PLEKHA7: variants seen among roughly 807,000 people sequenced by gnomAD.
The protein encoded by PLEKHA7 is pleckstrin homology domain-containing family A member 7.
Under a neutral mutation model 170.0 loss-of-function variants are expected in PLEKHA7, and 104 were observed. The observed-to-expected ratio is 0.61, with a 90% CI of 0.52 to 0.72. The LOEUF (loss-of-function observed/expected upper bound fraction) is 0.72. Among genes scored for constraint, PLEKHA7 ranks in the 30% least tolerant of loss-of-function variants. The pLI, the probability that PLEKHA7 is intolerant of heterozygous loss-of-function variation, is 0.00. For missense variants in PLEKHA7, 1,615 were observed against 1,671.7 expected (o/e 0.97, Z 0.59); for synonymous variants, 648 against 660.8 (o/e 0.98, Z 0.30).
chr11:16,932,755 G>A (rs1389839834), intron 3 of PLEKHA7, among the ~76,000 whole-genome samples: 1 of 152,218 alleles, frequency 6.6e-6, no homozygotes, highest in South Asian at 2.1e-4. Context: ...TGTGATATGT[G>A]CAGGTCAGGG....
At chr11:17,007,300 A>G (rs529964172) in intron 3 of PLEKHA7, among the ~76,000 whole-genome samples, 40 of 152,224 alleles carry the variant, frequency 2.6e-4, no homozygotes, top group African/African-American at 8.9e-4. Context: ...ATTTTTCTTT[A>G]TGTAGAATTA....
At chr11:16,852,959 T>G (rs1168879880) in intron 6 of PLEKHA7, among the ~76,000 whole-genome samples, 1 of 152,242 alleles carries the variant, frequency 6.6e-6, no homozygotes, top group Non-Finnish European at 1.5e-5. Flanking sequence ...AATAATGTTT[T>G]AAATTACTGT....
chr11:17,013,942 C>A (rs749639243), intron 3 of PLEKHA7, 47 bp downstream of exon 3: 1 of 1,422,024 alleles, frequency 7.0e-7, no homozygotes, highest in South Asian at 1.3e-5. Flanking sequence ...GGGGAGGGAC[C>A]CCCCCCCCGC....
At chr11:16,984,618 C>G (rs1863622220) in intron 3 of PLEKHA7, among the ~76,000 whole-genome samples, 1 of 152,202 alleles carries the variant, frequency 6.6e-6, no homozygotes, top group African/African-American at 2.4e-5. Context: ...CTCTCACACC[C>G]AGGCCTCCTG....
chr11:16,871,920 A>G (rs1422703359), intron 3 of PLEKHA7, among the ~76,000 whole-genome samples: 1 of 152,016 alleles, frequency 6.6e-6, no homozygotes, highest in African/African-American at 2.4e-5. Context: ...TCCTCTTTTA[A>G]AAACAAAATA....
At chr11:16,855,512 C>T in intron 5 of PLEKHA7, 1 of 376,862 alleles carries the variant, frequency 2.7e-6, no homozygotes, top group Non-Finnish European at 4.8e-6. Context: ...CTTGCTTTAA[C>T]ACACAGCTAC....
At chr11:16,907,195 A>G (rs867057922) in intron 3 of PLEKHA7, among the ~76,000 whole-genome samples, 24 of 66,664 alleles carry the variant, frequency 3.6e-4, no homozygotes, top group African/African-American at 1.4e-3. Flanking sequence ...CAGCCGCCCC[A>G]TCCGGGAGGG....
chr11:16,987,708 C>G (rs1011858641), intron 3 of PLEKHA7, among the ~76,000 whole-genome samples: 3 of 152,188 alleles, frequency 2.0e-5, no homozygotes, highest in African/African-American at 7.2e-5. Flanking sequence ...CATAATGAAG[C>G]CTCTGTCTAG....
At chr11:16,973,885 G>A (rs1239943927) in intron 3 of PLEKHA7, among the ~76,000 whole-genome samples, 2 of 152,096 alleles carry the variant, frequency 1.3e-5, no homozygotes, top group Non-Finnish European at 2.9e-5. Context: ...CTTCCTCCCT[G>A]TGGACCAGCC....
chr11:16,885,286 A>T (rs390302), intron 3 of PLEKHA7, among the ~76,000 whole-genome samples: 116,786 of 151,070 alleles, frequency 0.77, 46,825 homozygotes, highest in Non-Finnish European at 0.9. Flanking sequence ...GCCAAGATCA[A>T]GCCACTGCAC....
chr11:16,799,437 A>C (rs562165953), intron 17 of PLEKHA7, among the ~76,000 whole-genome samples: 26 of 152,348 alleles, frequency 1.7e-4, no homozygotes, highest in African/African-American at 6.3e-4. Flanking sequence ...GGGAAGAGGA[A>C]CTTTTATATC....
intron 3 of PLEKHA7, among the ~76,000 whole-genome samples, chr11:16,907,677 C>CGGGA (rs1857924777): frequency 7.6e-6 from 1 of 131,008 alleles, no homozygotes. Context: ...CCGCCCCGTC[C>CGGGA]GGGAGGTGAG....
chr11:16,826,478 G>A lies in PLEKHA7; in HGVS notation c.985C>T (p.His329Tyr). ...CTCTCGAAGTTGACAATGTCATCATGGCCACGATGAGGACAATCTCTCGTA... is the reference window on the plus strand; with the variant it reads ...CTCTCGAAGTTGACAATGTCATCATAGCCACGATGAGGACAATCTCTCGTA... The part of the protein sequence containing the change: ...GHTRDCPHRG[H>Y]DDIVNFERQE... The change falls in exon 10 of 27, where the codon CAT becomes TAT. Residue 329 changes from histidine to tyrosine, a missense_variant. His to Tyr is a moderately conservative substitution (Grantham distance 83). Transcript: ENST00000531066. 1.9e-6 allele frequency: 3 copies of A among 1,614,236 alleles called. No homozygotes were observed. The highest frequency in any genetic ancestry group is 2.5e-6 in the Non-Finnish European group (3 of 1,180,056).
chr11:16,973,960 CT>C (rs1382397794), intron 3 of PLEKHA7, among the ~76,000 whole-genome samples: 1 of 152,214 alleles, frequency 6.6e-6, no homozygotes, highest in East Asian at 1.9e-4. Context: ...TGCATGACCC[CT>C]CTCCCACCTT....
intron 10 of PLEKHA7, among the ~76,000 whole-genome samples, chr11:16,823,960 T>C (rs1850437726): frequency 6.6e-6 from 1 of 152,152 alleles, no homozygotes; most frequent in African/African-American, 2.4e-5. Context: ...TGCAACAACA[T>C]AGATGGAACT....
intron 1 of PLEKHA7, 53 bp downstream of exon 1, chr11:17,014,263 C>CCGCCCCCGCGCCCCCACCCG: frequency 2.1e-6 from 3 of 1,397,074 alleles, no homozygotes; most frequent in Non-Finnish European, 2.8e-6. Context: ...CGCCCGGCCC[C>CCGCCCCCGCGCCCCCACCCG]CGCCCCCGCG....
rs1000716837 is a variant in PLEKHA7, at chr11:16,786,666, T to C, written c.3358-279A>G. 4 of 985,204 alleles carry C rather than the reference T, an allele frequency of 4.1e-6. 1 individual carries two copies. The African/African-American group carries it at 7.0e-5, about 17-fold the overall frequency. The allele number at this position is 985,204 out of a possible 1,614,324, so 61.0% of individuals were successfully genotyped here. A position where few individuals can be genotyped will look rare whatever the true frequency, so the allele number is the denominator to read the frequency against. The stretch of plus-strand genomic sequence containing the variant: ...AGGCTCACAGTGGTCCCCAGGGAAA[T>C]AGAAGGCTCCCAGAGAGGGTGACCT... On this transcript the variant is annotated intron_variant, in intron 23 of 26. Coordinates refer to ENST00000531066, the MANE Select transcript of PLEKHA7 (RefSeq NM_001329630.2).
At chr11:16,940,855 A>G (rs1590674643) in intron 3 of PLEKHA7, among the ~76,000 whole-genome samples, 1 of 152,150 alleles carries the variant, frequency 6.6e-6, no homozygotes, top group Non-Finnish European at 1.5e-5. Context: ...TGGCTTCCCC[A>G]GGGCTGTAGA....
At chr11:16,993,666 G>A (rs1420898299) in intron 3 of PLEKHA7, among the ~76,000 whole-genome samples, 2 of 152,182 alleles carry the variant, frequency 1.3e-5, no homozygotes, top group Non-Finnish European at 2.9e-5. Flanking sequence ...GGTTCCACTT[G>A]ACATGCTTGC....
Sources: allele counts gnomAD v4.1 joint callset (sites outside exome capture counted in the v4.1 genomes callset), GRCh38; gene constraint gnomAD v4.1.1; transcripts MANE v1.5; gene names NCBI Gene and HGNC (gene_info 2026-07-23, HGNC 2026-07-21).